LILRA4: variants seen among roughly 807,000 people sequenced by gnomAD.
The protein encoded by LILRA4 is leukocyte immunoglobulin like receptor A4, also known as leukocyte immunoglobulin-like receptor subfamily A member 4.
Under a neutral mutation model 49.5 loss-of-function variants are expected in LILRA4, and 51 were observed. The observed-to-expected ratio is 1.03, with a 90% CI of 0.82 to 1.30. The LOEUF is 1.30. LILRA4 is among the 50% of genes most tolerant of loss of function. The pLI is 0.00. For synonymous variants in LILRA4, 272 were observed against 265.6 expected (o/e 1.02, Z -0.23); for missense variants, 624 against 625.6 (o/e 1.00, Z 0.03).
At chr19:54,333,891 A>G in intron 7 of LILRA4, 24 bp downstream of exon 7, 1 of 1,612,946 alleles carries the variant, frequency 6.2e-7, no homozygotes, top group Non-Finnish European at 8.5e-7. Flanking sequence ...CCAGCCCCAT[A>G]ACTGGGAGAA....
rs750275949 is a variant in LILRA4, at chr19:54,337,463, C to T, written c.889G>A (p.Gly297Ser). 45 of 1,611,922 alleles carry T rather than the reference C, an allele frequency of 2.8e-5. 1 individual carries two copies. The highest frequency in any genetic ancestry group is 2.1e-4 in the Middle Eastern group (1 of 4,688). ...RSYGGQYRCYGAHNVSSEWSA... is the reference protein window; with the variant it reads ...RSYGGQYRCYSAHNVSSEWSA... ...CACTCGGAGGAGACGTTGTGTGCGC[C>T]GTAGCATCTGTACTGGCCCCCGTAG... The change falls in exon 5 of 8, where the codon GGC becomes AGC. Residue 297 changes from glycine to serine, a missense_variant. Coordinates refer to ENST00000291759, the MANE Select transcript of LILRA4 (RefSeq NM_012276.5).
Position 54,333,414 on chromosome 19 carries a change from T to A in LILRA4, c.*158A>T. On this transcript the variant is annotated 3_prime_UTR_variant, in exon 8 of 8. Transcript: ENST00000291759. ...CGAAGGAAGGGGCAGTCAAGGAGAG[T>A]CGACAATGAGGAGGAAAGCACCACA... The A allele has an allele frequency of 1.4e-6, 1 of 695,826 alleles. No individual in the cohort carries two copies. The highest frequency in any genetic ancestry group is 2.0e-5 in the South Asian group (1 of 50,176). 43.1% of individuals were successfully genotyped at this position (695,826 alleles called of 1,614,324 possible).
chr19:54,337,322 GC>G (rs1569165624), intron 5 of LILRA4, 77 bp downstream of exon 5: 1 of 1,574,470 alleles, frequency 6.4e-7, no homozygotes, highest in Non-Finnish European at 8.6e-7. Flanking sequence ...CCTCATCCCG[GC>G]CATCACCACC....
chr19:54,338,511 C>T lies in LILRA4; in HGVS notation c.240G>A (p.Lys80=). ...TCATGGATGGGATGGAGAGTTTGAC[C>T]TTGTTTTCAGACTCCAGTGTTTTTA... is the stretch of plus-strand genomic sequence containing the variant. ...HILKTLESEN[K]VKLSIPSMMW... The change falls in exon 3 of 8, where the codon AAG becomes AAA. Residue 80 remains lysine, a synonymous_variant. Coordinates refer to ENST00000291759, the MANE Select transcript of LILRA4 (RefSeq NM_012276.5). 6.2e-7 allele frequency: 1 copy of T among 1,614,096 alleles called. No individual in the cohort carries two copies. The highest frequency in any genetic ancestry group is 1.1e-5 in the South Asian group (1 of 91,084).
At chr19:54,339,013 G>A in intron 1 of LILRA4, 47 bp downstream of exon 1, 2 of 1,612,930 alleles carry the variant, frequency 1.2e-6, no homozygotes, top group Non-Finnish European at 1.7e-6. Context: ...ATGGATTGGG[G>A]TCTCTCTCCT....
At chr19:54,336,819 T>C (rs3745419) in intron 6 of LILRA4, 22 bp downstream of exon 6, 3 of 1,493,772 alleles carry the variant, frequency 2.0e-6, no homozygotes, top group African/African-American at 3.0e-5. Context: ...GAGCTCAGAG[T>C]GGACAGGGTC....
intron 6 of LILRA4, chr19:54,335,313 A>C (rs1270625371): frequency 6.6e-6 from 1 of 151,472 alleles, no homozygotes; most frequent in African/African-American, 2.4e-5. Context: ...AGTGGGTAGC[A>C]CCTCCCCCTT....
In LILRA4 at chr19:54,337,644, G is replaced by A. The variant is rs141046735; in HGVS notation, c.708C>T (p.Pro236=). 8.4e-5 allele frequency: 135 copies of A among 1,612,878 alleles called. No homozygotes were observed. Among genetic ancestry groups the A allele is most frequent in the Middle Eastern group, 3.4e-4 (2 of 5,854 alleles). Residue 236 remains proline (P), a synonymous_variant, in exon 5 of 8, where the codon CCC becomes CCT. Transcript: ENST00000291759. ...CACACTGGAGGGTCAGATTCTCTCC[G>A]GGGGTCACGACAGGGCCCTGCAGGG... ...LLTLQGPVVT[P]GENLTLQCGS... is the part of the protein sequence containing the mutation.
In LILRA4 at chr19:54,337,093, T is replaced by C. The variant is rs149817571; in HGVS notation, c.1003A>G (p.Thr335Ala). 559 of 1,613,028 alleles carry C rather than the reference T, an allele frequency of 3.5e-4. 2 individuals are homozygous for C. Among genetic ancestry groups the C allele is most frequent in the Non-Finnish European group, 2.2e-4 (257 of 1,179,186 alleles). The change falls in exon 6 of 8, where the codon ACC becomes GCC. Residue 335 changes from threonine (T) to alanine (A), a missense_variant. Transcript: ENST00000291759. ...AGCAGGGTCACCTTCTCTCCTGAGG[T>C]CACCGTGGGGCCCGGCTGCACTGAG... Reference protein sequence around the residue: ...SLSVQPGPTVTSGEKVTLLCQ... With the variant: ...SLSVQPGPTVASGEKVTLLCQ...
Position 54,333,348 on chromosome 19 carries a change from C to G in LILRA4, c.*224G>C. 1.7e-6 allele frequency: 1 copy of G among 578,338 alleles called. No individual in the cohort carries two copies. Among genetic ancestry groups the G allele is most frequent in the Non-Finnish European group, 3.0e-6 (1 of 331,622 alleles). 35.8% of individuals were successfully genotyped at this position (578,338 alleles called of 1,614,324 possible). ...GAGGTCACAGAGGGGCGGACCCAAA[C>G]CCACCATAGGGGTGAAGCCTTACAT... On this transcript the variant is annotated 3_prime_UTR_variant, in exon 8 of 8. Coordinates refer to ENST00000291759, the MANE Select transcript of LILRA4 (RefSeq NM_012276.5).
At chr19:54,333,819 A>C (rs2081296372) in intron 7 of LILRA4, 54 bp from the exon 8 acceptor site, 2 of 1,611,970 alleles carry the variant, frequency 1.2e-6, no homozygotes, top group Non-Finnish European at 1.7e-6. Context: ...ACAATTACCA[A>C]AGACCCCTGG....
At chr19:54,336,054 G>T (rs533773989) in intron 6 of LILRA4, 1 of 151,714 alleles carries the variant, frequency 6.6e-6, no homozygotes, top group Non-Finnish European at 1.5e-5. Context: ...CCCAAATCCC[G>T]CTCAGGTAGG....
At chr19:54,336,792 T>C (rs747148928) in intron 6 of LILRA4, 49 bp downstream of exon 6, 55 of 1,576,022 alleles carry the variant, frequency 3.5e-5, no homozygotes, top group Non-Finnish European at 4.1e-5. Flanking sequence ...TCCTTTTTCA[T>C]TTCCAAGAAC....
intron 2 of LILRA4, 23 bp from the exon 3 acceptor site, chr19:54,338,703 G>T (rs776496647): frequency 6.3e-7 from 1 of 1,596,402 alleles, no homozygotes; most frequent in Admixed American, 1.7e-5. Context: ...TACAGGTTAG[G>T]TCCCAAGATG....
In LILRA4 at chr19:54,333,669, T is replaced by G; in HGVS notation, c.1403A>C (p.Gln468Pro). ...CCTTGGGGGGCTTCTCTGGCTGTGC[T>G]GAGCCTCAAATAACAGAATCCCGAG... is the stretch of plus-strand genomic sequence containing the variant. ...LFLGILLFEA[Q>P]HSQRSPPRCS... Residue 468 changes from glutamine (Q) to proline (P), a missense_variant, in exon 8 of 8, where the codon CAG becomes CCG. Physicochemically the swap from Gln to Pro is moderately conservative, Grantham distance 76 (BLOSUM62 -1). Coordinates refer to ENST00000291759, the MANE Select transcript of LILRA4 (RefSeq NM_012276.5). 6.2e-7 allele frequency: 1 copy of G among 1,614,164 alleles called. No individual in the cohort carries two copies.
intron 2 of LILRA4, 76 bp downstream of exon 2, chr19:54,338,790 C>T: frequency 1.9e-6 from 3 of 1,604,566 alleles, no homozygotes; most frequent in Non-Finnish European, 2.6e-6. Flanking sequence ...CTGCTGTCTT[C>T]ACCCCCAGCT....
chr19:54,333,832 G>T, intron 7 of LILRA4, 67 bp from the exon 8 acceptor site: 1 of 1,611,570 alleles, frequency 6.2e-7, no homozygotes, highest in South Asian at 1.1e-5. Flanking sequence ...ACCCCTGGAT[G>T]TCCACCCAGG....
In LILRA4 at chr19:54,338,526, C is replaced by A; in HGVS notation, c.225G>T (p.Leu75=). Residue 75 remains leucine, a synonymous_variant, in exon 3 of 8, where the codon CTG becomes CTT. Coordinates refer to ENST00000291759, the MANE Select transcript of LILRA4 (RefSeq NM_012276.5). The part of the protein sequence containing the change: ...NSMSRHILKT[L]ESENKVKLSI... Reference sequence around the variant, plus strand: ...AGAGTTTGACCTTGTTTTCAGACTCCAGTGTTTTTAATATGTGCCTCGACA... The same window carrying A: ...AGAGTTTGACCTTGTTTTCAGACTCAAGTGTTTTTAATATGTGCCTCGACA... 1 of 1,614,134 alleles carries A rather than the reference C, an allele frequency of 6.2e-7. No homozygotes were observed. Among genetic ancestry groups the A allele is most frequent in the Non-Finnish European group, 8.5e-7 (1 of 1,180,004 alleles).
At chr19:54,334,996 A>C (rs1342746417) in intron 6 of LILRA4, 2 of 151,568 alleles carry the variant, frequency 1.3e-5, no homozygotes, top group African/African-American at 2.4e-5. Context: ...AATAAAATAA[A>C]ATAATAATAA....
Sources: allele counts gnomAD v4.1 joint callset, GRCh38; gene constraint gnomAD v4.1.1; transcripts MANE v1.5; gene names NCBI Gene and HGNC (gene_info 2026-07-23, HGNC 2026-07-21).